The following DOCK4 variants were observed in gnomAD, a reference collection of about 807,000 sequenced individuals.
The protein encoded by DOCK4 is dedicator of cytokinesis protein 4.
Under a neutral mutation model 268.1 loss-of-function variants are expected in DOCK4, and 97 were observed. That is an observed-to-expected ratio of 0.36 (90% CI 0.31 to 0.43). The LOEUF (loss-of-function observed/expected upper bound fraction) is 0.43. Among genes scored for constraint, DOCK4 ranks in the 20% least tolerant of loss-of-function variants. The probability of loss-of-function intolerance (pLI) is 1.00; values close to 1 mark genes in which losing one functional copy is unlikely to be tolerated. For synonymous variants in DOCK4, 954 were observed against 887.2 expected (o/e 1.08, Z -1.34); for missense variants, 2,145 against 2,455.7 (o/e 0.87, Z 2.67).
chr7:112,139,197 G>C (rs1814658875), intron 1 of DOCK4, among the ~76,000 whole-genome samples: 1 of 151,986 alleles, frequency 6.6e-6, no homozygotes, highest in African/African-American at 2.4e-5. Flanking sequence ...TAAGAACCAG[G>C]GCCTCTCAGA....
At chr7:111,740,993 T>C in intron 47 of DOCK4, 101 bp downstream of exon 47, 1 of 1,420,040 alleles carries the variant, frequency 7.0e-7, no homozygotes, top group Non-Finnish European at 9.6e-7. Context: ...GCCAAGTTCT[T>C]GCTTGTTGGT....
At chr7:111,762,758 T>TTTTC (rs1195129375) in intron 39 of DOCK4, among the ~76,000 whole-genome samples, 41 of 108,726 alleles carry the variant, frequency 3.8e-4, no homozygotes, top group Admixed American at 9.1e-4. Flanking sequence ...TTTTGTTTTG[T>TTTTC]TTTCTTTTTT....
intron 30 of DOCK4, among the ~76,000 whole-genome samples, chr7:111,797,214 A>T (rs572290432): frequency 1.4e-3 from 215 of 152,294 alleles, no homozygotes; most frequent in Non-Finnish European, 2.7e-3. Flanking sequence ...TGTAAGATCA[A>T]CCCAGCTCTT....
chr7:112,139,404 A>T (rs923395985), intron 1 of DOCK4, among the ~76,000 whole-genome samples: 1 of 152,226 alleles, frequency 6.6e-6, no homozygotes, highest in African/African-American at 2.4e-5. Context: ...ACTAATCCCA[A>T]CAGAAGGCAC....
intron 1 of DOCK4, among the ~76,000 whole-genome samples, chr7:112,203,658 G>A (rs556512984): frequency 4.6e-5 from 7 of 152,224 alleles, no homozygotes; most frequent in African/African-American, 1.2e-4. Context: ...AAAGATCTGT[G>A]CCCATAAGAT....
intron 17 of DOCK4, among the ~76,000 whole-genome samples, chr7:111,873,800 G>A (rs1806624801): frequency 2.0e-5 from 3 of 152,124 alleles, no homozygotes; most frequent in African/African-American, 7.2e-5. Context: ...AAGGAATTCA[G>A]TACCAAACAG....
At chr7:112,100,557 C>T (rs1308702525) in intron 1 of DOCK4, among the ~76,000 whole-genome samples, 2 of 152,344 alleles carry the variant, frequency 1.3e-5, no homozygotes, top group East Asian at 1.9e-4. Flanking sequence ...ACCACATCTA[C>T]GAGAAAGCTT....
Position 112,184,705 on chromosome 7 carries a change from T to C in DOCK4, c.37+21397A>G, listed in dbSNP as rs1819345847. Among the ~76,000 whole-genome samples, 3 of 152,236 alleles carry C rather than the reference T, an allele frequency of 2.0e-5. No individual in the cohort carries two copies. The South Asian group carries it at 6.2e-4, about 32-fold the overall frequency. On this transcript the variant is annotated intron_variant, in intron 1 of 52. Coordinates refer to ENST00000428084, the MANE Select transcript of DOCK4 (RefSeq NM_001363540.2). ...CCTTGGACACTGGTTCCCAGAAGTGTGAGCTAAGTCCTTCTCAGTGGGCTT... is the reference window on the plus strand; with the variant it reads ...CCTTGGACACTGGTTCCCAGAAGTGCGAGCTAAGTCCTTCTCAGTGGGCTT...
intron 15 of DOCK4, among the ~76,000 whole-genome samples, chr7:111,898,825 G>A (rs1790885261): frequency 6.6e-6 from 1 of 152,136 alleles, no homozygotes; most frequent in Non-Finnish European, 1.5e-5. Flanking sequence ...TTGCAGTACA[G>A]GGACAAGAAG....
At chr7:111,900,614 T>A in intron 14 of DOCK4, 78 bp from the exon 15 acceptor site, 1 of 1,439,554 alleles carries the variant, frequency 6.9e-7, no homozygotes, top group Non-Finnish European at 9.4e-7. Context: ...ATCACTTTGC[T>A]CTATCTGCCT....
Position 111,760,255 on chromosome 7 carries a change from T to C in DOCK4, c.4088A>G (p.Asn1363Ser). The change falls in exon 40 of 53, where the codon AAC (asparagine) becomes AGC (serine). Residue 1363 changes from asparagine (N) to serine (S), a missense_variant. Asn to Ser is a conservative substitution (Grantham distance 46). Coordinates refer to ENST00000428084, the MANE Select transcript of DOCK4 (RefSeq NM_001363540.2). ...CATGGCGATGGCATGGGGGAACTCG[T>C]TCAGCATTCTCTGTTGGAAGGCTTC... ...RLEAFQQRML[N>S]EFPHAIAMQH... The C allele has an allele frequency of 6.2e-7, 1 of 1,614,008 alleles. No individual in the cohort carries two copies. The highest frequency in any genetic ancestry group is 8.5e-7 in the Non-Finnish European group (1 of 1,179,890).
chr7:111,789,721 T>G (rs1259551957), intron 31 of DOCK4, among the ~76,000 whole-genome samples: 2 of 152,214 alleles, frequency 1.3e-5, no homozygotes, highest in African/African-American at 2.4e-5. Flanking sequence ...CTTGACTGGT[T>G]GACAACCATT....
At chr7:112,172,924 T>A (rs1207451037) in intron 1 of DOCK4, among the ~76,000 whole-genome samples, 1 of 152,196 alleles carries the variant, frequency 6.6e-6, no homozygotes, top group Non-Finnish European at 1.5e-5. Flanking sequence ...CCTCATGTAA[T>A]GAAAGACCCC....
intron 16 of DOCK4, among the ~76,000 whole-genome samples, chr7:111,879,522 G>A (rs1807201413): frequency 6.6e-6 from 1 of 152,130 alleles, no homozygotes; most frequent in African/African-American, 2.4e-5. Flanking sequence ...AGGCTCTTGG[G>A]GTCCCCCAGT....
intron 23 of DOCK4, among the ~76,000 whole-genome samples, chr7:111,852,670 AAAGT>A (rs1441905285): frequency 6.6e-6 from 1 of 152,250 alleles, no homozygotes; most frequent in African/African-American, 2.4e-5. Flanking sequence ...CAACTGCAAA[AAAGT>A]AAGTAAGGTG....
chr7:111,952,788 A>G (rs1796152658), intron 8 of DOCK4, among the ~76,000 whole-genome samples: 1 of 152,248 alleles, frequency 6.6e-6, no homozygotes, highest in South Asian at 2.1e-4. Flanking sequence ...AACAACAGAG[A>G]ACACATTTAG....
intron 6 of DOCK4, among the ~76,000 whole-genome samples, chr7:111,986,492 T>C (rs1394552274): frequency 6.6e-6 from 1 of 151,864 alleles, no homozygotes; most frequent in Non-Finnish European, 1.5e-5. Flanking sequence ...GCCCACAGAG[T>C]AGAATCAAGG....
rs1794747625 is a variant in DOCK4, at chr7:111,727,816, T to C, written c.*458A>G. ...GAACTTTAATTCTGATGATCTGCACTGATAAACCTTGCCTTATTTACAGAA... is the reference window on the plus strand; with the variant it reads ...GAACTTTAATTCTGATGATCTGCACCGATAAACCTTGCCTTATTTACAGAA... On this transcript the variant is annotated 3_prime_UTR_variant, in exon 53 of 53. Coordinates refer to ENST00000428084, the MANE Select transcript of DOCK4 (RefSeq NM_001363540.2). 6.5e-6 allele frequency: 1 copy of C among 153,662 alleles called. No homozygotes were observed. The highest frequency in any genetic ancestry group is 2.4e-5 in the African/African-American group (1 of 41,518). 9.5% of individuals were successfully genotyped at this position (153,662 alleles called of 1,614,324 possible).
rs767297074 is a variant in DOCK4 at position 111,746,365 on chromosome 7, A to G, written c.4646T>C (p.Ile1549Thr). Residue 1549 changes from isoleucine (I) to threonine (T), a missense_variant, in exon 44 of 53, where the codon ATT becomes ACT. Ile to Thr is a moderately conservative substitution (Grantham distance 89, BLOSUM62 -1). Coordinates refer to ENST00000428084, the MANE Select transcript of DOCK4 (RefSeq NM_001363540.2). Reference protein sequence around the residue: ...ILSHPEDGEKIARLRELMLEQ... With the variant: ...ILSHPEDGEKTARLRELMLEQ... Reference sequence around the variant, plus strand: ...AAGCATCAGCTCTCTTAATCGTGCAATTTTCTCCCCATCTTCAGGGTGACT... The same window carrying G: ...AAGCATCAGCTCTCTTAATCGTGCAGTTTTCTCCCCATCTTCAGGGTGACT... 9 of 1,613,056 alleles carry G rather than the reference A, an allele frequency of 5.6e-6. No homozygotes were observed. Among genetic ancestry groups the G allele is most frequent in the Admixed American group, 3.3e-5 (2 of 59,950 alleles).
Sources: gnomAD v4.1 joint callset for allele counts (sites outside exome capture counted in the v4.1 genomes callset) on GRCh38, gnomAD v4.1.1 for gene constraint, MANE v1.5 for transcripts, NCBI Gene and HGNC (gene_info 2026-07-23, HGNC 2026-07-21) for gene names.